Variants in SHC4 observed in about 807,000 individuals in gnomAD.
SHC4 encodes the protein SHC-transforming protein 4.
Under a neutral mutation model 69.4 loss-of-function variants are expected in SHC4, and 41 were observed. That is an observed-to-expected ratio of 0.59 (90% CI 0.46 to 0.77). SHC4 has a LOEUF of 0.77. SHC4 is among the 30% of genes least tolerant of loss of function. The probability of loss-of-function intolerance (pLI) is 0.00; values close to 1 mark genes in which losing one functional copy is unlikely to be tolerated. For synonymous variants in SHC4, 318 were observed against 299.3 expected, an observed-to-expected ratio of 1.06 and a Z score of -0.64; for missense variants, 777 against 783.8, an observed-to-expected ratio of 0.99 and a Z score of 0.10.
intron 10 of SHC4, among the ~76,000 whole-genome samples, chr15:48,839,985 G>T (rs964938327): frequency 6.6e-6 from 1 of 152,178 alleles, no homozygotes; most frequent in Non-Finnish European, 1.5e-5. Flanking sequence ...TCTGCCAATC[G>T]CAGGTGAAAA....
intron 9 of SHC4, among the ~76,000 whole-genome samples, chr15:48,844,391 T>G (rs8025881): frequency 0.062 from 9,466 of 152,246 alleles, 875 homozygotes; most frequent in African/African-American, 0.2. Flanking sequence ...TCTACCCAGC[T>G]ACCCTTCTTC....
Position 48,937,063 on chromosome 15 carries a change from T to A in SHC4, c.586-12114A>T, listed in dbSNP as rs543866316. Among the ~76,000 whole-genome samples, 12 of 152,364 alleles carry A rather than the reference T, an allele frequency of 7.9e-5. 1 individual carries two copies. In the South Asian group the frequency reaches 2.5e-3, roughly 32 times the overall value. ...ACACCAATGTGTTGGGAGCCACAAA[T>A]GGCTCTTTCTGCTGCTGGGCATGGC... On this transcript the variant is annotated intron_variant, in intron 1 of 11. Transcript: ENST00000332408.
intron 1 of SHC4, among the ~76,000 whole-genome samples, chr15:48,925,499 T>C (rs1283187332): frequency 6.6e-6 from 1 of 152,210 alleles, no homozygotes; most frequent in African/African-American, 2.4e-5. Flanking sequence ...AGAACAAGCA[T>C]ATAAATGCAT....
At chr15:48,941,871 T>C (rs1901181023) in intron 1 of SHC4, among the ~76,000 whole-genome samples, 1 of 152,202 alleles carries the variant, frequency 6.6e-6, no homozygotes, top group Admixed American at 6.5e-5. Flanking sequence ...ATTCATTAAG[T>C]AATTTTTCAT....
At chr15:48,893,592 T>C (rs562433611) in intron 2 of SHC4, among the ~76,000 whole-genome samples, 3 of 152,206 alleles carry the variant, frequency 2.0e-5, no homozygotes, top group Non-Finnish European at 4.4e-5. Context: ...AGAAATCATT[T>C]GGCTTTTTAA....
Position 48,957,956 on chromosome 15 carries a change from C to T in SHC4, c.585+4475G>A, listed in dbSNP as rs532374146. ...GAGCACCAAGAATTGCAGGCAACTG[C>T]CAAAAGCTAGAAGAGACAAGGAAGA... On this transcript the variant is annotated intron_variant, in intron 1 of 11. Transcript: ENST00000332408. Among the ~76,000 whole-genome samples the T allele has an allele frequency of 2.0e-4, 31 of 152,304 alleles. No individual in the cohort carries two copies. In the South Asian group the frequency reaches 2.3e-3, roughly 11 times the overall value.
At chr15:48,861,932 T>C (rs943979695) in intron 6 of SHC4, among the ~76,000 whole-genome samples, 21 of 152,362 alleles carry the variant, frequency 1.4e-4, no homozygotes, top group Admixed American at 1.4e-3. Context: ...ATAAACAGTT[T>C]TTTTGTTTTG....
Position 48,963,048 on chromosome 15 carries a change from C to T in SHC4, c.-33G>A, listed in dbSNP as rs768909001. On this transcript the variant is annotated 5_prime_UTR_variant, in exon 1 of 12. The change abolishes an upstream ATG in the 5' untranslated region. Transcript: ENST00000332408. ...GCAGTGCTGAAACAGGATACTGTTGCATAAATCGCCTCGTCGTCTGGTAGA... is the reference window on the plus strand; with the variant it reads ...GCAGTGCTGAAACAGGATACTGTTGTATAAATCGCCTCGTCGTCTGGTAGA... The T allele has an allele frequency of 6.4e-7, 1 of 1,558,226 alleles. No homozygotes were observed. The highest frequency in any genetic ancestry group is 1.2e-5 in the South Asian group (1 of 82,654).
At chr15:48,929,324 C>A (rs1026860502) in intron 1 of SHC4, among the ~76,000 whole-genome samples, 1 of 152,126 alleles carries the variant, frequency 6.6e-6, no homozygotes, top group Non-Finnish European at 1.5e-5. Flanking sequence ...GTATTAAATG[C>A]GGATCTGCAT....
At chr15:48,940,536 C>T (rs1901155907) in intron 1 of SHC4, among the ~76,000 whole-genome samples, 1 of 152,172 alleles carries the variant, frequency 6.6e-6, no homozygotes. Flanking sequence ...AAACTTTCTT[C>T]TACTCCATTT....
In SHC4 at chr15:48,881,375, CA is replaced by C. The variant is rs34708269; in HGVS notation, c.840+2872del. Among the ~76,000 whole-genome samples, 537 of 108,946 alleles carry C rather than the reference CA, an allele frequency of 4.9e-3. 1 individual carries two copies. The highest frequency in any genetic ancestry group is 0.011 in the African/African-American group (325 of 30,064). The allele number at this position is 108,946 out of a possible 152,430, so 71.5% of individuals were successfully genotyped here. On this transcript the variant is annotated intron_variant, in intron 4 of 11. Coordinates refer to ENST00000332408, the MANE Select transcript of SHC4 (RefSeq NM_203349.4). ...CCAACAAACAAACAAAAAAACAAAG[CA>C]AAAAAAAAAAAAAACCATCTGATTC...
At chr15:48,955,207 T>A in intron 1 of SHC4, among the ~76,000 whole-genome samples, 1 of 152,148 alleles carries the variant, frequency 6.6e-6, no homozygotes, top group East Asian at 1.9e-4. Flanking sequence ...CCACATATTC[T>A]GAAGGGGAAA....
chr15:48,947,606 G>A (rs564633371), intron 1 of SHC4, among the ~76,000 whole-genome samples: 1 of 152,258 alleles, frequency 6.6e-6, no homozygotes, highest in East Asian at 1.9e-4. Flanking sequence ...CCAGGATCCT[G>A]GAGGCCTTTG....
chr15:48,837,486 T>C (rs1898920271), intron 10 of SHC4, among the ~76,000 whole-genome samples: 1 of 152,182 alleles, frequency 6.6e-6, no homozygotes, highest in African/African-American at 2.4e-5. Context: ...ACATTATCTA[T>C]TATCTTGCTC....
intron 8 of SHC4, among the ~76,000 whole-genome samples, chr15:48,854,499 C>G (rs919671933): frequency 2.6e-5 from 4 of 152,118 alleles, no homozygotes; most frequent in African/African-American, 9.7e-5. Context: ...ATTGTTCTAT[C>G]AAAAAGACAC....
intron 1 of SHC4, among the ~76,000 whole-genome samples, chr15:48,944,766 C>CA (rs932679149): frequency 7.9e-5 from 12 of 152,066 alleles, no homozygotes; most frequent in African/African-American, 2.9e-4. Flanking sequence ...CCCTTCCTAC[C>CA]AAAAAAGATC....
At chr15:48,889,494 C>T (rs551938693) in intron 3 of SHC4, among the ~76,000 whole-genome samples, 126 of 152,300 alleles carry the variant, frequency 8.3e-4, no homozygotes, top group South Asian at 7.5e-3. Context: ...CATCTCTTGT[C>T]TCAGACTCAG....
In SHC4 at chr15:48,889,961, A is replaced by G. The variant is rs770555885; in HGVS notation, c.720+787T>C. ...TTGGCCCTTTGGACTTTTCAAACCA[A>G]CAAAATATTCTAGGGCTCATAGCTT... On this transcript the variant is annotated intron_variant, in intron 3 of 11. Transcript: ENST00000332408. Among the ~76,000 whole-genome samples, 103 of 152,268 alleles carry G rather than the reference A, an allele frequency of 6.8e-4. 2 individuals are homozygous for G. The highest frequency in any genetic ancestry group is 1.9e-4 in the Non-Finnish European group (13 of 68,054).
chr15:48,952,418 C>T (rs971336541), intron 1 of SHC4, among the ~76,000 whole-genome samples: 1 of 152,078 alleles, frequency 6.6e-6, no homozygotes, highest in Non-Finnish European at 1.5e-5. Context: ...AATGAAGTTA[C>T]TAGTAAGAGT....
Sources: gnomAD v4.1 joint callset for allele counts (sites outside exome capture counted in the v4.1 genomes callset) on GRCh38, gnomAD v4.1.1 for gene constraint, MANE v1.5 for transcripts, NCBI Gene and HGNC (gene_info 2026-07-23, HGNC 2026-07-21) for gene names.